The following DYNC1LI2 variants were observed in gnomAD, a reference collection of about 807,000 sequenced individuals.
DYNC1LI2 encodes cytoplasmic dynein 1 light intermediate chain 2.
In DYNC1LI2, 19 loss-of-function variants were observed where a neutral mutation model predicts 57.8. The ratio of observed to expected loss-of-function variants is 0.33; its 90% CI spans 0.23 to 0.48. The LOEUF is 0.48. Among genes scored for constraint, DYNC1LI2 ranks in the 20% least tolerant of loss-of-function variants. DYNC1LI2 has a pLI of 0.99. For missense variants in DYNC1LI2, 470 were observed against 604.2 expected (o/e 0.78, Z 2.33); for synonymous variants, 256 against 233.4 (o/e 1.10, Z -0.88).
chr16:66,737,048 G>A (rs1029460882), intron 4 of DYNC1LI2, among the ~76,000 whole-genome samples: 3 of 152,122 alleles, frequency 2.0e-5, no homozygotes, highest in Admixed American at 6.5e-5. Context: ...CAGGGCGGGT[G>A]GTTCACCTGA....
intron 10 of DYNC1LI2, 170 bp downstream of exon 10, chr16:66,728,031 G>A: frequency 1.0e-6 from 1 of 991,202 alleles, no homozygotes; most frequent in Non-Finnish European, 1.5e-6. Context: ...TCTTTCATCA[G>A]AAACTTCTTG....
Position 66,751,592 on chromosome 16 carries a change from C to G in DYNC1LI2, c.-1G>C. Reference sequence around the variant, plus strand: ...TCTTCTCCACCCCCACCGGCGCCATCTTGCCAACTGCAGCCACAAAGAGGG... The same window carrying G: ...TCTTCTCCACCCCCACCGGCGCCATGTTGCCAACTGCAGCCACAAAGAGGG... On this transcript the variant is annotated 5_prime_UTR_variant, in exon 1 of 13. Coordinates refer to ENST00000258198, the MANE Select transcript of DYNC1LI2 (RefSeq NM_006141.3). This position sits in a 1 kb window ranked among gnomAD's most constrained non-coding sequence, Gnocchi z 5.2. 1 of 1,574,248 alleles carries G rather than the reference C, an allele frequency of 6.4e-7. No individual in the cohort carries two copies.
At chr16:66,730,052 A>C in intron 8 of DYNC1LI2, 60 bp downstream of exon 8, 1 of 1,476,374 alleles carries the variant, frequency 6.8e-7, no homozygotes, top group Admixed American at 1.9e-5. Flanking sequence ...AAGTGCTGGG[A>C]TTACAGGCAT....
At chr16:66,749,056 T>C in intron 3 of DYNC1LI2, 141 bp downstream of exon 3, 1 of 802,172 alleles carries the variant, frequency 1.2e-6, no homozygotes, top group Non-Finnish European at 2.0e-6. Flanking sequence ...AAAAGATACG[T>C]ACTTCATCTA....
At chr16:66,726,070 A>T (rs2017531927) in intron 11 of DYNC1LI2, 126 bp from the exon 12 acceptor site, 3 of 923,956 alleles carry the variant, frequency 3.2e-6, no homozygotes, top group Admixed American at 2.4e-5. Context: ...GATAACATTC[A>T]TTCGCTACGA....
rs2017450028 is a variant in DYNC1LI2 at position 66,721,429 on chromosome 16, A to G, written c.*2293T>C. On this transcript the variant is annotated 3_prime_UTR_variant, in exon 13 of 13. Coordinates refer to ENST00000258198, the MANE Select transcript of DYNC1LI2 (RefSeq NM_006141.3). Reference sequence around the variant, plus strand: ...CTTTAACAGTCTACCATACAAGTGTACTCTGCAAATAAAATGAATTTTACT... The same window carrying G: ...CTTTAACAGTCTACCATACAAGTGTGCTCTGCAAATAAAATGAATTTTACT... 6.6e-6 allele frequency: 1 copy of G among 152,604 alleles called. No homozygotes were observed. Among genetic ancestry groups the G allele is most frequent in the African/African-American group, 2.4e-5 (1 of 41,446 alleles). The allele number at this position is 152,604 out of a possible 1,614,324, so 9.5% of individuals were successfully genotyped here.
At chr16:66,737,235 C>T (rs1201893230) in intron 4 of DYNC1LI2, among the ~76,000 whole-genome samples, 1 of 152,102 alleles carries the variant, frequency 6.6e-6, no homozygotes, top group Non-Finnish European at 1.5e-5. Flanking sequence ...AAGATTGCGT[C>T]ACTGTACTCC....
At chr16:66,726,677 T>C (rs2017541369) in intron 11 of DYNC1LI2, among the ~76,000 whole-genome samples, 1 of 152,190 alleles carries the variant, frequency 6.6e-6, no homozygotes, top group African/African-American at 2.4e-5. Flanking sequence ...AGTCTTGCTC[T>C]GTCACCCAGG....
intron 8 of DYNC1LI2, 89 bp downstream of exon 8, chr16:66,730,023 T>C (rs2017607127): frequency 1.8e-6 from 2 of 1,084,500 alleles, no homozygotes; most frequent in Non-Finnish European, 2.7e-6. Flanking sequence ...TCATGTGATC[T>C]GCCCGCTTTG....
At chr16:66,727,340 C>T (rs775043630) in intron 11 of DYNC1LI2, among the ~76,000 whole-genome samples, 63 of 152,140 alleles carry the variant, frequency 4.1e-4, no homozygotes, top group Non-Finnish European at 6.8e-4. Flanking sequence ...GTGCTATGAT[C>T]GTATCACTGT....
intron 11 of DYNC1LI2, 135 bp from the exon 12 acceptor site, chr16:66,726,079 G>C: frequency 2.4e-6 from 2 of 842,064 alleles, no homozygotes; most frequent in Non-Finnish European, 3.7e-6. Context: ...CATTCGCTAC[G>C]ATGCCTTTAC....
intron 6 of DYNC1LI2, among the ~76,000 whole-genome samples, chr16:66,733,710 CA>C (rs1190912302): frequency 6.6e-6 from 1 of 151,586 alleles, no homozygotes; most frequent in Non-Finnish European, 1.5e-5. Context: ...TGTCTCAAAA[CA>C]AACAAACAAA....
At chr16:66,746,134 C>A (rs2017932046) in intron 3 of DYNC1LI2, among the ~76,000 whole-genome samples, 1 of 151,574 alleles carries the variant, frequency 6.6e-6, no homozygotes, top group Non-Finnish European at 1.5e-5. Flanking sequence ...TGAATGTCCT[C>A]AAAAATACTA....
At chr16:66,734,540 A>G (rs2017696912) in intron 5 of DYNC1LI2, among the ~76,000 whole-genome samples, 1 of 151,944 alleles carries the variant, frequency 6.6e-6, no homozygotes, top group Non-Finnish European at 1.5e-5. Flanking sequence ...CTGATCACCT[A>G]ACAGTTTGTT....
intron 4 of DYNC1LI2, among the ~76,000 whole-genome samples, chr16:66,740,736 T>A (rs116310578): frequency 2.6e-4 from 40 of 152,330 alleles, no homozygotes; most frequent in African/African-American, 9.6e-4. Flanking sequence ...ATGTGAAGGC[T>A]AGAGCTCTCA....
At position 66,751,604 on chromosome 16, in the gene DYNC1LI2, A is replaced by T. The variant is rs1488849415; in HGVS notation, c.-13T>A. On this transcript the variant is annotated 5_prime_UTR_variant, in exon 1 of 13. Transcript: ENST00000258198. The surrounding 1 kb of genome is among the most constrained non-coding windows in gnomAD (Gnocchi z 5.2). ...CCACCGGCGCCATCTTGCCAACTGC[A>T]GCCACAAAGAGGGCCCTCCCCCGGG... 2 of 1,567,538 alleles carry T rather than the reference A, an allele frequency of 1.3e-6. No individual in the cohort carries two copies. Among genetic ancestry groups the T allele is most frequent in the Non-Finnish European group, 1.7e-6 (2 of 1,160,038 alleles).
At chr16:66,731,438 C>G (rs868021060) in intron 7 of DYNC1LI2, 1 of 152,358 alleles carries the variant, frequency 6.6e-6, no homozygotes, top group Non-Finnish European at 1.5e-5. Flanking sequence ...ACATTTCCAG[C>G]CTCTCACAGA....
At chr16:66,750,590 G>A (rs566454051) in intron 2 of DYNC1LI2, among the ~76,000 whole-genome samples, 2 of 152,246 alleles carry the variant, frequency 1.3e-5, no homozygotes, top group South Asian at 4.1e-4. Context: ...TCGGCATGGT[G>A]CAATGCAATC....
intron 5 of DYNC1LI2, among the ~76,000 whole-genome samples, chr16:66,734,867 G>A (rs1037611720): frequency 3.3e-5 from 5 of 151,040 alleles, no homozygotes; most frequent in Non-Finnish European, 7.4e-5. Context: ...CATGGTGGCG[G>A]ACACCTGTAG....
Sources: allele counts gnomAD v4.1 joint callset (sites outside exome capture counted in the v4.1 genomes callset), GRCh38; gene constraint gnomAD v4.1.1; non-coding constraint Gnocchi (gnomAD v3.1); transcripts MANE v1.5; gene names NCBI Gene and HGNC (gene_info 2026-07-23, HGNC 2026-07-21).